The following C10orf90 variants were observed in gnomAD, a reference collection of about 807,000 sequenced individuals.
The protein encoded by C10orf90 is chromosome 10 open reading frame 90, also known as (E2-independent) E3 ubiquitin-conjugating enzyme FATS.
In C10orf90, 56 loss-of-function variants were observed where a neutral mutation model predicts 62.5. The observed-to-expected ratio is 0.90, with a 90% CI of 0.72 to 1.12. The LOEUF (loss-of-function observed/expected upper bound fraction) is 1.12, where lower values mean the gene tolerates loss of function less well. C10orf90 is among the 50% of genes most tolerant of loss of function. The probability of loss-of-function intolerance (pLI) is 0.00; values close to 1 mark genes in which losing one functional copy is unlikely to be tolerated. For synonymous variants in C10orf90, 386 were observed against 340.4 expected (o/e 1.13, Z -1.47); for missense variants, 970 against 880.4 (o/e 1.10, Z -1.29).
chr10:126,486,506 A>T (rs964590147), intron 4 of C10orf90, among the ~76,000 whole-genome samples: 31 of 152,228 alleles, frequency 2.0e-4, no homozygotes, highest in African/African-American at 7.5e-4. Flanking sequence ...TGCCTCAGAT[A>T]AAAAATACAT....
At chr10:126,634,677 C>A (rs1845914892) in intron 2 of C10orf90, among the ~76,000 whole-genome samples, 1 of 152,144 alleles carries the variant, frequency 6.6e-6, no homozygotes, top group Non-Finnish European at 1.5e-5. Flanking sequence ...TGTCTTATAT[C>A]TATTACGACT....
intron 7 of C10orf90, among the ~76,000 whole-genome samples, chr10:126,455,830 T>C (rs185377625): frequency 7.0e-4 from 107 of 152,326 alleles, no homozygotes; most frequent in African/African-American, 1.8e-3. Flanking sequence ...ACTCTTCCCC[T>C]GGTCTCAAAG....
At chr10:126,469,731 T>G (rs1282904384) in intron 4 of C10orf90, 1 of 377,922 alleles carries the variant, frequency 2.6e-6, no homozygotes, top group African/African-American at 2.1e-5. Context: ...TTATATGTAG[T>G]GTCTCACCTC....
intron 1 of C10orf90, among the ~76,000 whole-genome samples, chr10:126,649,153 C>T (rs1331379166): frequency 1.3e-5 from 2 of 149,772 alleles, no homozygotes; most frequent in African/African-American, 4.9e-5. Flanking sequence ...TCTCCAAAGC[C>T]CGGAACCATG....
intron 4 of C10orf90, 38 bp downstream of exon 4, chr10:126,503,919 A>G (rs1393526489): frequency 1.3e-6 from 2 of 1,565,946 alleles, no homozygotes; most frequent in African/African-American, 1.4e-5. Context: ...TAGGACATTT[A>G]CTCAGGTCAC....
intron 4 of C10orf90, among the ~76,000 whole-genome samples, chr10:126,484,776 G>T (rs1861340107): frequency 2.0e-5 from 3 of 152,028 alleles, no homozygotes; most frequent in African/African-American, 7.2e-5. Context: ...CAGATATTAA[G>T]AATTATTTAT....
intron 2 of C10orf90, among the ~76,000 whole-genome samples, chr10:126,569,539 C>T (rs1362676884): frequency 6.6e-6 from 1 of 152,078 alleles, no homozygotes; most frequent in Non-Finnish European, 1.5e-5. Context: ...AGGCAGGCCA[C>T]AGTTGGGGTA....
At chr10:126,530,883 T>A (rs1185559051) in intron 2 of C10orf90, among the ~76,000 whole-genome samples, 1 of 151,740 alleles carries the variant, frequency 6.6e-6, no homozygotes, top group Non-Finnish European at 1.5e-5. Flanking sequence ...AAATGAAAAT[T>A]ACAGATCAGG....
At chr10:126,463,142 C>G (rs1860095297) in intron 5 of C10orf90, 1 of 152,342 alleles carries the variant, frequency 6.6e-6, no homozygotes, top group Non-Finnish European at 1.5e-5. Context: ...TCTAGTTCAC[C>G]CTGTGCACAG....
At chr10:126,508,866 G>A (rs1862926038) in intron 3 of C10orf90, among the ~76,000 whole-genome samples, 1 of 152,174 alleles carries the variant, frequency 6.6e-6, no homozygotes, top group South Asian at 2.1e-4. Flanking sequence ...CCATGAGATT[G>A]GCATCAACGA....
intron 2 of C10orf90, among the ~76,000 whole-genome samples, chr10:126,565,328 TTTATATTATATATAA>T (rs1844344136): frequency 2.2e-5 from 1 of 45,628 alleles, no homozygotes; most frequent in African/African-American, 1.2e-4. Flanking sequence ...ATATTATATA[TTTATATTATATATAA>T]TATATAATAT....
intron 2 of C10orf90, among the ~76,000 whole-genome samples, chr10:126,559,919 A>G (rs1864863339): frequency 6.6e-6 from 1 of 152,168 alleles, no homozygotes; most frequent in South Asian, 2.1e-4. Context: ...GTTTCAGAGA[A>G]AATGCAGCAT....
At chr10:126,540,850 G>A (rs1864359494) in intron 2 of C10orf90, among the ~76,000 whole-genome samples, 1 of 152,124 alleles carries the variant, frequency 6.6e-6, no homozygotes, top group Admixed American at 6.5e-5. Flanking sequence ...GTATATTTGG[G>A]AATTTAGTTT....
At chr10:126,479,509 C>T (rs533460882) in intron 4 of C10orf90, among the ~76,000 whole-genome samples, 2 of 152,138 alleles carry the variant, frequency 1.3e-5, no homozygotes, top group African/African-American at 4.8e-5. Context: ...TGAGCTCCTG[C>T]GAGGCCCTGA....
chr10:126,530,931 T>C (rs1320721063), intron 2 of C10orf90, among the ~76,000 whole-genome samples: 1 of 152,134 alleles, frequency 6.6e-6, no homozygotes, highest in Non-Finnish European at 1.5e-5. Flanking sequence ...CCCAGCACTT[T>C]GGGAGGCCAT....
At chr10:126,455,020 T>A (rs543662654) in intron 7 of C10orf90, among the ~76,000 whole-genome samples, 78 of 152,114 alleles carry the variant, frequency 5.1e-4, no homozygotes, top group African/African-American at 1.7e-3. Context: ...CTTCCACATC[T>A]CACAATCACC....
At chr10:126,491,320 A>C (rs1483483507) in intron 4 of C10orf90, among the ~76,000 whole-genome samples, 2 of 152,216 alleles carry the variant, frequency 1.3e-5, no homozygotes, top group African/African-American at 4.8e-5. Flanking sequence ...GGGTGAAGGA[A>C]GATTGAATGC....
At chr10:126,598,440 A>G (rs1387610546) in intron 2 of C10orf90, among the ~76,000 whole-genome samples, 2 of 152,198 alleles carry the variant, frequency 1.3e-5, no homozygotes, top group Non-Finnish European at 2.9e-5. Flanking sequence ...ATGAGAATTA[A>G]TATCTTTGAG....
rs1052943154 is a variant in C10orf90 at position 126,611,572 on chromosome 10, C to T, written c.313+34993G>A. Among the ~76,000 whole-genome samples, 35 of 152,202 alleles carry T rather than the reference C, an allele frequency of 2.3e-4. 1 individual carries two copies. The highest frequency in any genetic ancestry group is 8.4e-4 in the African/African-American group (35 of 41,448). On this transcript the variant is annotated intron_variant, in intron 2 of 9. Coordinates refer to ENST00000488181, the MANE Select transcript of C10orf90 (RefSeq NM_001350921.2). ...TTTGGAGGAGCTGCCAGATTATTTT[C>T]CAAGGCAGCTGCACTATTTTACATT... is the stretch of plus-strand genomic sequence containing the variant.
Sources: allele counts gnomAD v4.1 joint callset (sites outside exome capture counted in the v4.1 genomes callset), GRCh38; gene constraint gnomAD v4.1.1; transcripts MANE v1.5; gene names NCBI Gene and HGNC (gene_info 2026-07-23, HGNC 2026-07-21).